Variants in GALM observed in about 807,000 individuals in gnomAD.
GALM encodes the protein galactose mutarotase.
A neutral mutation model predicts 37.4 loss-of-function variants in GALM; 43 were observed. The ratio of observed to expected loss-of-function variants is 1.15; its 90% confidence interval spans 0.90 to 1.48. The LOEUF (loss-of-function observed/expected upper bound fraction) is 1.48, where lower values mean the gene tolerates loss of function less well. Ranked by LOEUF, GALM falls within the 40% of genes most tolerant of loss-of-function variation. The pLI, the probability that GALM is intolerant of heterozygous loss-of-function variation, is 0.00. For synonymous variants in GALM, 199 were observed against 170.6 expected (o/e 1.17, Z -1.30); for missense variants, 456 against 419.1 (o/e 1.09, Z -0.77).
chr2:38,708,111 T>TAAAATAAAATAAAA (rs1553383346), intron 4 of GALM, among the ~76,000 whole-genome samples: 6,302 of 135,708 alleles, frequency 0.046, 378 homozygotes, highest in East Asian at 0.28. Context: ...TGTATCAAAA[T>TAAAATAAAATAAAA]TAAAATAAAA....
chr2:38,697,643 T>C (rs553973733), intron 4 of GALM, among the ~76,000 whole-genome samples: 1 of 152,278 alleles, frequency 6.6e-6, no homozygotes, highest in Non-Finnish European at 1.5e-5. Context: ...ACTGTTAAAA[T>C]TGTGGCCACA....
At chr2:38,733,361 T>A (rs1666644561) in intron 6 of GALM, 127 bp from the exon 7 acceptor site, 28 of 796,450 alleles carry the variant, frequency 3.5e-5, no homozygotes, top group South Asian at 3.5e-4. Flanking sequence ...GAACCAATCA[T>A]AAACAGTTCC....
intron 4 of GALM, among the ~76,000 whole-genome samples, chr2:38,717,137 C>G (rs995876119): frequency 5.9e-5 from 9 of 152,148 alleles, no homozygotes; most frequent in African/African-American, 2.2e-4. Flanking sequence ...GTAGTCCCAG[C>G]TACTCGGTAG....
chr2:38,704,612 C>A (rs1345433083), intron 4 of GALM, among the ~76,000 whole-genome samples: 1 of 150,466 alleles, frequency 6.6e-6, no homozygotes, highest in Non-Finnish European at 1.5e-5. Flanking sequence ...GGGTTCAAGG[C>A]AAATTGAGCT....
chr2:38,693,719 T>G (rs1360707841), intron 4 of GALM, among the ~76,000 whole-genome samples: 1 of 152,212 alleles, frequency 6.6e-6, no homozygotes, highest in East Asian at 1.9e-4. Context: ...TCTGTTCATT[T>G]TTCTTATTTA....
At chr2:38,714,992 T>A (rs577254251) in intron 4 of GALM, among the ~76,000 whole-genome samples, 346 of 152,298 alleles carry the variant, frequency 2.3e-3, no homozygotes, top group Middle Eastern at 0.017. Context: ...ATAGTTGGAT[T>A]TTTTTCCTTT....
intron 4 of GALM, among the ~76,000 whole-genome samples, chr2:38,723,802 C>CA (rs58412668): frequency 3.4e-4 from 51 of 151,276 alleles, no homozygotes; most frequent in African/African-American, 1.2e-3. Flanking sequence ...AAAAAACAAA[C>CA]AAAAAAAAAA....
At chr2:38,732,929 A>AAC (rs1666634302) in intron 6 of GALM, among the ~76,000 whole-genome samples, 1 of 150,194 alleles carries the variant, frequency 6.7e-6, no homozygotes, top group African/African-American at 2.5e-5. Flanking sequence ...TAAAAAAAAA[A>AAC]AAAAAAAAGG....
chr2:38,734,764 CAGA>C (rs1373378284), exon 7 of GALM: 6 of 152,070 alleles, frequency 3.9e-5, no homozygotes, highest in Non-Finnish European at 5.9e-5. Flanking sequence ...TCTGCATCTT[CAGA>C]AGACTTGTTC....
intron 5 of GALM, among the ~76,000 whole-genome samples, chr2:38,730,071 G>A (rs1291576684): frequency 6.6e-6 from 1 of 152,142 alleles, no homozygotes; most frequent in Non-Finnish European, 1.5e-5. Flanking sequence ...ATGGCCAGTT[G>A]GAGGCTAGGC....
At chr2:38,702,878 A>G (rs1162363054) in intron 4 of GALM, among the ~76,000 whole-genome samples, 2 of 145,654 alleles carry the variant, frequency 1.4e-5, no homozygotes, top group Admixed American at 7.0e-5. Flanking sequence ...TCTCCTTTAC[A>G]TTTGTTTTAA....
Position 38,681,498 on chromosome 2 carries a change from T to C in GALM, c.552+12T>C. 6.2e-7 allele frequency: 1 copy of C among 1,604,312 alleles called. No individual in the cohort carries two copies. The highest frequency in any genetic ancestry group is 1.1e-5 in the South Asian group (1 of 90,830). On this transcript the variant is annotated intron_variant, in intron 3 of 6. Coordinates refer to ENST00000272252, the MANE Select transcript of GALM (RefSeq NM_138801.3). ...ACCTGGCAGGCCAGGTAAGTGAACT[T>C]GTTTCTTCTTTCCTGCTTCGTGCTT... is the stretch of plus-strand genomic sequence containing the variant.
At chr2:38,687,982 T>C (rs1665579850) in intron 3 of GALM, among the ~76,000 whole-genome samples, 1 of 151,764 alleles carries the variant, frequency 6.6e-6, no homozygotes, top group Non-Finnish European at 1.5e-5. Context: ...GAGGCTGAGG[T>C]GGGTGGATCA....
chr2:38,729,667 A>C lies in GALM; in HGVS notation c.746A>C (p.Lys249Thr). 6.2e-7 allele frequency: 1 copy of C among 1,613,498 alleles called. No homozygotes were observed. Among genetic ancestry groups the C allele is most frequent in the African/African-American group, 1.3e-5 (1 of 75,036 alleles). The stretch of plus-strand genomic sequence containing the variant: ...GGTTTTGACCACAATTTCTGTCTGA[A>C]GGGATCTAAAGAAAAGCATTTTTGT... ...LNGFDHNFCL[K>T]GSKEKHFCAR... The change falls in exon 5 of 7, where the codon AAG becomes ACG. Residue 249 changes from lysine to threonine, a missense_variant. Lys to Thr is a moderately conservative substitution (Grantham distance 78). Coordinates refer to ENST00000272252, the MANE Select transcript of GALM (RefSeq NM_138801.3).
chr2:38,713,690 G>T (rs1250969368), intron 4 of GALM, among the ~76,000 whole-genome samples: 1 of 152,058 alleles, frequency 6.6e-6, no homozygotes, highest in Non-Finnish European at 1.5e-5. Flanking sequence ...GATTGCTTGA[G>T]CTCATGAGTT....
chr2:38,683,398 T>G (rs1005514369), intron 3 of GALM, among the ~76,000 whole-genome samples: 1 of 152,108 alleles, frequency 6.6e-6, no homozygotes, highest in African/African-American at 2.4e-5. Context: ...GCCAGAAATG[T>G]TTTGGATTTT....
In GALM at chr2:38,729,693, G is replaced by A. The variant is rs1461373735; in HGVS notation, c.772G>A (p.Ala258Thr). 5 of 1,611,630 alleles carry A rather than the reference G, an allele frequency of 3.1e-6. No homozygotes were observed. In the African/African-American group the frequency reaches 6.7e-5, roughly 22 times the overall value. ...GGGATCTAAAGAAAAGCATTTTTGT[G>A]CAAGGTCAGGTACTTTTCACTTCCT... Reference protein sequence around the residue: ...LKGSKEKHFCARVHHAASGRV... With the variant: ...LKGSKEKHFCTRVHHAASGRV... The change falls in exon 5 of 7, where the codon GCA (alanine) becomes ACA (threonine). Residue 258 changes from alanine to threonine, a missense_variant. Coordinates refer to ENST00000272252, the MANE Select transcript of GALM (RefSeq NM_138801.3).
chr2:38,726,375 C>T (rs1360501579), intron 4 of GALM, among the ~76,000 whole-genome samples: 1 of 151,094 alleles, frequency 6.6e-6, no homozygotes, highest in Non-Finnish European at 1.5e-5. Context: ...TACAGGCGCC[C>T]GCCACTACGC....
intron 4 of GALM, chr2:38,698,551 AT>A (rs1016749187): frequency 2.9e-4 from 120 of 418,544 alleles, no homozygotes; most frequent in Non-Finnish European, 4.1e-4. Context: ...CCCATAAAGC[AT>A]TTGCTGCTCC....
Sources: allele counts gnomAD v4.1 joint callset (sites outside exome capture counted in the v4.1 genomes callset), GRCh38; gene constraint gnomAD v4.1.1; transcripts MANE v1.5; gene names NCBI Gene and HGNC (gene_info 2026-07-23, HGNC 2026-07-21).